The following TMEM200A variants were observed in gnomAD, a reference collection of about 807,000 sequenced individuals.
The protein encoded by TMEM200A is two transmembrane C.
A neutral mutation model predicts 24.3 loss-of-function variants in TMEM200A; 12 were observed. The observed-to-expected ratio is 0.49, with a 90% CI of 0.32 to 0.80. The LOEUF is 0.80. Among genes scored for constraint, TMEM200A ranks in the 30% least tolerant of loss-of-function variants. TMEM200A has a pLI of 0.04. For missense variants in TMEM200A, 545 were observed against 614.4 expected (o/e 0.89, Z 1.19); for synonymous variants, 224 against 224.4 (o/e 1.00, Z 0.02).
intron 2 of TMEM200A, among the ~76,000 whole-genome samples, chr6:130,420,383 A>G (rs1034792207): frequency 5.1e-4 from 77 of 152,258 alleles, no homozygotes; most frequent in African/African-American, 1.8e-3. Flanking sequence ...TTACCTGAGA[A>G]CTTGAGTTGA....
intron 2 of TMEM200A, among the ~76,000 whole-genome samples, chr6:130,425,266 A>C (rs1164189203): frequency 6.6e-6 from 1 of 152,040 alleles, no homozygotes; most frequent in Non-Finnish European, 1.5e-5. Flanking sequence ...TGGATAAAGG[A>C]GCATAGAAGT....
intron 1 of TMEM200A, among the ~76,000 whole-genome samples, chr6:130,376,691 T>C (rs1329395488): frequency 6.8e-6 from 1 of 147,004 alleles, no homozygotes; most frequent in African/African-American, 2.5e-5. Flanking sequence ...TTTTAAATTG[T>C]ATTCAAAATG....
intron 2 of TMEM200A, chr6:130,421,312 C>CT (rs1779578689): frequency 6.6e-6 from 1 of 152,150 alleles, no homozygotes; most frequent in Non-Finnish European, 1.5e-5. Flanking sequence ...TTCTTGTTCT[C>CT]TTACCTCCTT....
chr6:130,406,740 C>A (rs1779217558), intron 2 of TMEM200A, among the ~76,000 whole-genome samples: 1 of 152,178 alleles, frequency 6.6e-6, no homozygotes, highest in African/African-American at 2.4e-5. Context: ...CTGTCTTAAA[C>A]AGAAGCCCAG....
chr6:130,409,933 G>T (rs1467639057), intron 2 of TMEM200A, among the ~76,000 whole-genome samples: 1 of 151,954 alleles, frequency 6.6e-6, no homozygotes, highest in Non-Finnish European at 1.5e-5. Flanking sequence ...AGAAAAGTAT[G>T]AGAAGTTAAT....
At chr6:130,374,817 T>C (rs1480855812) in intron 1 of TMEM200A, among the ~76,000 whole-genome samples, 1 of 152,142 alleles carries the variant, frequency 6.6e-6, no homozygotes, top group Non-Finnish European at 1.5e-5. Flanking sequence ...AAACTTCTGG[T>C]TTTACTCTCT....
intron 2 of TMEM200A, among the ~76,000 whole-genome samples, chr6:130,394,499 C>T (rs1285950632): frequency 4.6e-5 from 7 of 152,264 alleles, no homozygotes; most frequent in Admixed American, 2.6e-4. Context: ...CAGGGGCACC[C>T]GCCTCTGCAC....
intron 2 of TMEM200A, among the ~76,000 whole-genome samples, chr6:130,405,628 T>C (rs1306829370): frequency 1.3e-5 from 2 of 152,204 alleles, no homozygotes; most frequent in Non-Finnish European, 2.9e-5. Flanking sequence ...GGGAACTGGG[T>C]TGCTCAGTGC....
intron 2 of TMEM200A, among the ~76,000 whole-genome samples, chr6:130,430,015 A>G (rs1779838359): frequency 6.6e-6 from 1 of 152,198 alleles, no homozygotes; most frequent in Non-Finnish European, 1.5e-5. Flanking sequence ...TTCATTTTGT[A>G]CTGCTGGGTT....
intron 1 of TMEM200A, among the ~76,000 whole-genome samples, chr6:130,375,747 A>T (rs1487265162): frequency 6.6e-6 from 1 of 152,210 alleles, no homozygotes; most frequent in Non-Finnish European, 1.5e-5. Flanking sequence ...CTGGAAAGCC[A>T]TTAGAAGGTT....
intron 1 of TMEM200A, among the ~76,000 whole-genome samples, chr6:130,378,129 T>C (rs531142868): frequency 7.2e-4 from 109 of 152,222 alleles, no homozygotes; most frequent in African/African-American, 2.6e-3. Context: ...ACAGAGGGTG[T>C]TGGCGTCACA....
At chr6:130,392,111 C>G (rs908476035) in intron 2 of TMEM200A, among the ~76,000 whole-genome samples, 5 of 152,070 alleles carry the variant, frequency 3.3e-5, no homozygotes, top group Non-Finnish European at 5.9e-5. Flanking sequence ...ATTTAATAAC[C>G]CAGTGACCTT....
intron 2 of TMEM200A, among the ~76,000 whole-genome samples, chr6:130,399,752 G>A (rs1301433282): frequency 1.3e-5 from 2 of 149,746 alleles, no homozygotes; most frequent in African/African-American, 5.0e-5. Flanking sequence ...GTTCTTTATA[G>A]TGGTGATTTG....
chr6:130,430,785 G>C (rs974415141), intron 2 of TMEM200A, among the ~76,000 whole-genome samples: 2 of 152,184 alleles, frequency 1.3e-5, no homozygotes, highest in Admixed American at 6.5e-5. Flanking sequence ...ATCCTACTTA[G>C]ATTTTACTTA....
At chr6:130,381,864 T>G in intron 1 of TMEM200A, 1 of 972,696 alleles carries the variant, frequency 1.0e-6, no homozygotes, top group Non-Finnish European at 1.2e-6. Context: ...AATTGCTGAC[T>G]GAAGGTTAAC....
At chr6:130,397,981 T>C (rs1252342707) in intron 2 of TMEM200A, among the ~76,000 whole-genome samples, 2 of 152,070 alleles carry the variant, frequency 1.3e-5, no homozygotes, top group Non-Finnish European at 2.9e-5. Context: ...CTCTCTCAAC[T>C]TTTATTTTAG....
intron 1 of TMEM200A, among the ~76,000 whole-genome samples, chr6:130,374,575 C>T (rs1289602415): frequency 6.6e-6 from 1 of 151,946 alleles, no homozygotes; most frequent in East Asian, 1.9e-4. Flanking sequence ...ACCACCACGC[C>T]AGGCTAATTT....
At chr6:130,401,585 A>G (rs1359438473) in intron 2 of TMEM200A, among the ~76,000 whole-genome samples, 1 of 150,454 alleles carries the variant, frequency 6.6e-6, no homozygotes, top group Non-Finnish European at 1.5e-5. Context: ...ATCCTTGTAC[A>G]TATATTTTTG....
chr6:130,440,633 A>G lies in TMEM200A; in HGVS notation c.211A>G (p.Ile71Val). 6.2e-7 allele frequency: 1 copy of G among 1,613,888 alleles called. No individual in the cohort carries two copies. The highest frequency in any genetic ancestry group is 8.5e-7 in the Non-Finnish European group (1 of 1,179,842). ...TTTTTTTCTTATTTTAGGAGTGCTC[A>G]TCTCCATTATAGGAATTGCTATGGC... Reference protein sequence around the residue: ...SGFFLILGVLISIIGIAMAVL... With the variant: ...SGFFLILGVLVSIIGIAMAVL... Residue 71 changes from isoleucine (I) to valine (V), a missense_variant, in exon 3 of 3, where the codon ATC becomes GTC. Physicochemically the swap from Ile to Val is conservative, Grantham distance 29. Coordinates refer to ENST00000296978, the MANE Select transcript of TMEM200A (RefSeq NM_001258277.2).
Sources: gnomAD v4.1 joint callset for allele counts (sites outside exome capture counted in the v4.1 genomes callset) on GRCh38, gnomAD v4.1.1 for gene constraint, MANE v1.5 for transcripts, NCBI Gene and HGNC (gene_info 2026-07-23, HGNC 2026-07-21) for gene names.